The following NAT2 variants were observed in gnomAD, a reference collection of about 807,000 sequenced individuals.
NAT2 encodes the protein arylamine N-acetyltransferase 2.
For missense variants in NAT2, 428 were observed against 339.1 expected (o/e 1.26, Z -2.06); for synonymous variants, 137 against 125.9 (o/e 1.09, Z -0.59).
chr8:18,395,956 T>C (rs1800682595), intron 1 of NAT2, among the ~76,000 whole-genome samples: 1 of 151,282 alleles, frequency 6.6e-6, no homozygotes, highest in South Asian at 2.1e-4. Context: ...CCCATCTTTT[T>C]TTTTTTTTTT....
In NAT2 at chr8:18,400,113, T is replaced by C. The variant is rs753310036; in HGVS notation, c.110T>C (p.Phe37Ser). 42 of 1,613,926 alleles carry C rather than the reference T, an allele frequency of 2.6e-5. No homozygotes were observed. Among genetic ancestry groups the C allele is most frequent in the Non-Finnish European group, 3.3e-5 (39 of 1,179,946 alleles). The change falls in exon 2 of 2, where the codon TTT becomes TCT. Residue 37 changes from phenylalanine to serine, a missense_variant. Coordinates refer to ENST00000286479, the MANE Select transcript of NAT2 (RefSeq NM_000015.3). ...GAGCACCAGATCCGGGCTGTTCCCT[T>C]TGAGAACCTTAACATGCATTGTGGG... Reference protein sequence around the residue: ...ILEHQIRAVPFENLNMHCGQA... With the variant: ...ILEHQIRAVPSENLNMHCGQA...
At chr8:18,398,066 G>C (rs1201708069) in intron 1 of NAT2, among the ~76,000 whole-genome samples, 2 of 152,210 alleles carry the variant, frequency 1.3e-5, no homozygotes, top group African/African-American at 2.4e-5. Flanking sequence ...CAGTTGAAGA[G>C]AAGGCATGCA....
At chr8:18,388,641 C>T (rs1480345801), upstream of NAT2, among the ~76,000 whole-genome samples, 1 of 151,712 alleles carries the variant, frequency 6.6e-6, no homozygotes, top group Non-Finnish European at 1.5e-5. Flanking sequence ...AATTATCAAA[C>T]TTTAGAATCT....
At chr8:18,391,202 G>A (rs566523074), upstream of NAT2, 1 of 152,258 alleles carries the variant, frequency 6.6e-6, no homozygotes, top group South Asian at 2.1e-4. Flanking sequence ...TCCCTGAGGT[G>A]ATCCTAACTA....
chr8:18,390,480 A>G (rs1396582714), upstream of NAT2, among the ~76,000 whole-genome samples: 1 of 152,198 alleles, frequency 6.6e-6, no homozygotes, highest in East Asian at 1.9e-4. Flanking sequence ...AGACATGCTA[A>G]TTACCATGAT....
intron 1 of NAT2, among the ~76,000 whole-genome samples, chr8:18,394,000 G>A (rs45602844): frequency 0.34 from 51,485 of 152,068 alleles, 9,400 homozygotes; most frequent in Middle Eastern, 0.43. Context: ...CAACATGGCT[G>A]TTTATTTCAC....
chr8:18,400,269 T>A lies in NAT2; in HGVS notation c.266T>A (p.Leu89Ter). Residue 89 changes from leucine (L) to a stop codon, truncating the protein, a stop_gained, in exon 2 of 2, where the codon TTA becomes TAA. Coordinates refer to ENST00000286479, the MANE Select transcript of NAT2 (RefSeq NM_000015.3). LOFTEE classifies it low-confidence loss of function (END_TRUNC). ...ACAATCGGTTTTCAGACCACAATGT[T>A]AGGAGGGTATTTTTACATCCCTCCA... Reference protein sequence around the residue: ...LTTIGFQTTMLGGYFYIPPVN... With the variant: ...LTTIGFQTTM 6.2e-7 allele frequency: 1 copy of A among 1,613,460 alleles called. No homozygotes were observed. Among genetic ancestry groups the A allele is most frequent in the Non-Finnish European group, 8.5e-7 (1 of 1,179,664 alleles).
chr8:18,390,717 T>A (rs1183963834), upstream of NAT2, among the ~76,000 whole-genome samples: 1 of 117,448 alleles, frequency 8.5e-6, no homozygotes, highest in Admixed American at 9.1e-5. Context: ...TACATTAATG[T>A]TAATGTCAAA....
chr8:18,399,050 C>T (rs1400234537), intron 1 of NAT2, among the ~76,000 whole-genome samples: 3 of 152,168 alleles, frequency 2.0e-5, no homozygotes, highest in South Asian at 2.1e-4. Flanking sequence ...AGCATTGGCT[C>T]CAAGGCCACT....
Position 18,400,715 on chromosome 8 carries a change from A to C in NAT2, c.712A>C (p.Ile238Leu), listed in dbSNP as rs757793253. ...PEGVYCLVGF[I>L]LTYRKFNYKD... The stretch of plus-strand genomic sequence containing the variant: ...AGGGGTTTACTGTTTGGTGGGCTTC[A>C]TCCTCACCTATAGAAAATTCAATTA... Residue 238 changes from isoleucine to leucine, a missense_variant, in exon 2 of 2, where the codon ATC becomes CTC. Transcript: ENST00000286479. The C allele has an allele frequency of 1.2e-6, 2 of 1,613,868 alleles. No individual in the cohort carries two copies. Among genetic ancestry groups the C allele is most frequent in the Non-Finnish European group, 1.7e-6 (2 of 1,179,964 alleles).
At chr8:18,398,030 G>C (rs1002135860) in intron 1 of NAT2, among the ~76,000 whole-genome samples, 2 of 152,162 alleles carry the variant, frequency 1.3e-5, no homozygotes, top group Non-Finnish European at 2.9e-5. Context: ...AAGGATTACT[G>C]AAAAATCAAC....
upstream of NAT2, chr8:18,387,597 A>C (rs531888796): frequency 2.0e-5 from 3 of 153,064 alleles, no homozygotes; most frequent in Admixed American, 1.3e-4. Flanking sequence ...GGTGGGCTTG[A>C]TCGCCGCCCC....
At chr8:18,391,089 G>A (rs1274149460), upstream of NAT2, among the ~76,000 whole-genome samples, 4 of 152,030 alleles carry the variant, frequency 2.6e-5, no homozygotes, top group African/African-American at 4.8e-5. Context: ...TGTGGCATGG[G>A]TATCATCAGA....
chr8:18,387,036 G>A (rs1267942794), upstream of NAT2: 2 of 152,462 alleles, frequency 1.3e-5, no homozygotes, highest in East Asian at 3.9e-4. Flanking sequence ...GGCAGCCCCA[G>A]GTGGGAAAGG....
At chr8:18,387,207 GCGC>G (rs1563245868), upstream of NAT2, 1 of 152,796 alleles carries the variant, frequency 6.5e-6, no homozygotes, top group Non-Finnish European at 1.5e-5. Flanking sequence ...TTAGGTTTTG[GCGC>G]CGCCGCTTCT....
chr8:18,394,537 A>G (rs1800650200), intron 1 of NAT2, among the ~76,000 whole-genome samples: 1 of 152,154 alleles, frequency 6.6e-6, no homozygotes, highest in Non-Finnish European at 1.5e-5. Flanking sequence ...GAGCCCAACC[A>G]AGGATTTATC....
intron 1 of NAT2, among the ~76,000 whole-genome samples, chr8:18,392,244 G>A (rs1800603167): frequency 1.3e-5 from 2 of 152,332 alleles, no homozygotes; most frequent in South Asian, 4.1e-4. Flanking sequence ...ACATAAAGGG[G>A]AGTTTATTAA....
Position 18,400,763 on chromosome 8 carries a change from G to T in NAT2, c.760G>T (p.Glu254Ter). The T allele has an allele frequency of 6.2e-7, 1 of 1,613,438 alleles. No individual in the cohort carries two copies. The highest frequency in any genetic ancestry group is 8.5e-7 in the Non-Finnish European group (1 of 1,179,912). The change falls in exon 2 of 2, where the codon GAG (glutamate) becomes TAG (stop). Residue 254 changes from glutamate (E) to a stop codon, truncating the protein, a stop_gained. Coordinates refer to ENST00000286479, the MANE Select transcript of NAT2 (RefSeq NM_000015.3). LOFTEE classifies it low-confidence loss of function (END_TRUNC). ...FNYKDNTDLV[E>*]FKTLTEEEVE... is the part of the protein sequence containing the mutation. ...TTATAAAGACAATACAGATCTGGTCGAGTTTAAAACTCTCACTGAGGAAGA... is the reference window on the plus strand; with the variant it reads ...TTATAAAGACAATACAGATCTGGTCTAGTTTAAAACTCTCACTGAGGAAGA...
chr8:18,391,192 TC>T (rs1800586433), upstream of NAT2: 1 of 152,052 alleles, frequency 6.6e-6, no homozygotes, highest in African/African-American at 2.4e-5. Flanking sequence ...TTCCCAGAGA[TC>T]CCTGAGGTGA....
Sources: gnomAD v4.1 joint callset for allele counts (sites outside exome capture counted in the v4.1 genomes callset) on GRCh38, gnomAD v4.1.1 for gene constraint, MANE v1.5 for transcripts, NCBI Gene and HGNC (gene_info 2026-07-23, HGNC 2026-07-21) for gene names.